Variants in FOXP2 observed in about 807,000 individuals in gnomAD.
The protein encoded by FOXP2 is forkhead box P2.
FOXP2 carries 12 observed loss-of-function variants against 115.8 expected under a neutral mutation model. That is an observed-to-expected ratio of 0.10 (90% confidence interval 0.07 to 0.17). The LOEUF is 0.17. Ranked by LOEUF, FOXP2 falls within the 10% of genes least tolerant of loss-of-function variation. The pLI is 1.00. For missense variants in FOXP2, 629 were observed against 843.5 expected, an observed-to-expected ratio of 0.75 and a Z score of 3.15; for synonymous variants, 328 against 297.7, an observed-to-expected ratio of 1.10 and a Z score of -1.05.
chr7:114,195,490 G>A (rs1793879989), intron 1 of FOXP2, among the ~76,000 whole-genome samples: 1 of 152,022 alleles, frequency 6.6e-6, no homozygotes. Context: ...AATTACATAA[G>A]TAATGTATTA....
At chr7:114,194,683 T>A (rs1427335805) in intron 1 of FOXP2, among the ~76,000 whole-genome samples, 1 of 152,128 alleles carries the variant, frequency 6.6e-6, no homozygotes, top group Non-Finnish European at 1.5e-5. Context: ...AAAGCCTGAA[T>A]AATTGATTTG....
intron 1 of FOXP2, among the ~76,000 whole-genome samples, chr7:114,188,853 G>A (rs912357731): frequency 3.3e-5 from 5 of 152,008 alleles, no homozygotes. Flanking sequence ...TGAATTGGGG[G>A]GAACATGAAT....
At chr7:114,094,826 A>C (rs1193962938) in intron 1 of FOXP2, among the ~76,000 whole-genome samples, 2 of 151,888 alleles carry the variant, frequency 1.3e-5, no homozygotes, top group East Asian at 3.9e-4. Context: ...AGCCTCACTA[A>C]ATTTTTAAAA....
intron 1 of FOXP2, among the ~76,000 whole-genome samples, chr7:114,119,424 A>G (rs570663125): frequency 2.6e-5 from 4 of 152,208 alleles, no homozygotes; most frequent in Admixed American, 2.6e-4. Context: ...TATTTCCAGG[A>G]TTGTAGTCTT....
intron 2 of FOXP2, among the ~76,000 whole-genome samples, chr7:114,306,345 G>T (rs1797013922): frequency 6.6e-6 from 1 of 152,042 alleles, no homozygotes; most frequent in African/African-American, 2.4e-5. Context: ...TGGATCCTGT[G>T]CACACACAGG....
intron 1 of FOXP2, among the ~76,000 whole-genome samples, chr7:114,210,654 G>A (rs894741074): frequency 6.6e-6 from 1 of 152,182 alleles, no homozygotes; most frequent in Non-Finnish European, 1.5e-5. Context: ...TAAAGAAGCA[G>A]TCTGGCTGCT....
At chr7:114,661,486 A>C (rs1025152587) in intron 13 of FOXP2, among the ~76,000 whole-genome samples, 1 of 152,084 alleles carries the variant, frequency 6.6e-6, no homozygotes, top group Non-Finnish European at 1.5e-5. Context: ...AATTTAAAAA[A>C]AATCTAAGTG....
At chr7:114,287,672 G>A (rs1457568566) in intron 1 of FOXP2, among the ~76,000 whole-genome samples, 1 of 151,870 alleles carries the variant, frequency 6.6e-6, no homozygotes, top group Non-Finnish European at 1.5e-5. Flanking sequence ...AATTGGAGAC[G>A]CAAATAATTT....
intron 2 of FOXP2, among the ~76,000 whole-genome samples, chr7:114,523,436 G>C (rs1164810412): frequency 1.3e-5 from 2 of 152,152 alleles, no homozygotes; most frequent in Non-Finnish European, 2.9e-5. Flanking sequence ...TCCAGCCTCG[G>C]TGACATATGC....
chr7:114,218,928 C>T (rs1336744213), intron 1 of FOXP2, among the ~76,000 whole-genome samples: 1 of 152,108 alleles, frequency 6.6e-6, no homozygotes, highest in Non-Finnish European at 1.5e-5. Flanking sequence ...GTCCTGAACT[C>T]CTTTACAAGT....
intron 1 of FOXP2, among the ~76,000 whole-genome samples, chr7:114,176,937 A>C (rs190352745): frequency 6.6e-6 from 1 of 152,240 alleles, no homozygotes; most frequent in Admixed American, 6.5e-5. Context: ...AACTTTATAC[A>C]AATGGTATCA....
chr7:114,094,865 G>A (rs1329328658), intron 1 of FOXP2, among the ~76,000 whole-genome samples: 4 of 151,876 alleles, frequency 2.6e-5, no homozygotes, highest in Non-Finnish European at 5.9e-5. Flanking sequence ...TCGCTATGTT[G>A]TCCAGGTTGG....
At chr7:114,285,687 A>T (rs998007018) in intron 1 of FOXP2, among the ~76,000 whole-genome samples, 2 of 152,052 alleles carry the variant, frequency 1.3e-5, no homozygotes, top group Non-Finnish European at 2.9e-5. Flanking sequence ...TTCTGATGAC[A>T]TAAAGTGGTA....
intron 3 of FOXP2, among the ~76,000 whole-genome samples, chr7:114,621,290 TA>T (rs2129323459): frequency 6.6e-6 from 1 of 152,162 alleles, no homozygotes; most frequent in Admixed American, 6.6e-5. Flanking sequence ...AACTTAAGAA[TA>T]TTTTTCTAAT....
At chr7:114,687,667 T>G (rs1272084523) in intron 16 of FOXP2, among the ~76,000 whole-genome samples, 2 of 152,200 alleles carry the variant, frequency 1.3e-5, no homozygotes, top group African/African-American at 4.8e-5. Flanking sequence ...TTGTCTCTCT[T>G]TAATATTTTT....
chr7:114,610,234 G>C (rs1436125127), intron 3 of FOXP2, among the ~76,000 whole-genome samples: 1 of 152,140 alleles, frequency 6.6e-6, no homozygotes, highest in Non-Finnish European at 1.5e-5. Flanking sequence ...AGATTATTTA[G>C]CTACACCATT....
rs987102286 is a variant in FOXP2 at position 114,692,449 on chromosome 7, T to C, written c.*2523T>C. 2.2e-6 allele frequency: 1 copy of C among 450,686 alleles called. No homozygotes were observed. Among genetic ancestry groups the C allele is most frequent in the African/African-American group, 2.0e-5 (1 of 49,682 alleles). The allele number at this position is 450,686 out of a possible 1,614,324, so 27.9% of individuals were successfully genotyped here. A position where few individuals can be genotyped will look rare whatever the true frequency, so the allele number is the denominator to read the frequency against. ...GTTTTTTGGAGTTTCCTGAAATGCT[T>C]GGTCTGTATTTTGATAATTGTGCAT... On this transcript the variant is annotated 3_prime_UTR_variant, in exon 17 of 17. Transcript: ENST00000350908.
At chr7:114,686,531 C>T (rs1808373336) in intron 16 of FOXP2, among the ~76,000 whole-genome samples, 1 of 152,132 alleles carries the variant, frequency 6.6e-6, no homozygotes, top group South Asian at 2.1e-4. Flanking sequence ...ACGGAAATAT[C>T]AAAGTAAATG....
chr7:114,681,279 T>C (rs1808070850), intron 16 of FOXP2, among the ~76,000 whole-genome samples: 11 of 152,220 alleles, frequency 7.2e-5, no homozygotes. Context: ...TACATCATTA[T>C]AGATACAGGG....
Sources: gnomAD v4.1 joint callset for allele counts (sites outside exome capture counted in the v4.1 genomes callset) on GRCh38, gnomAD v4.1.1 for gene constraint, MANE v1.5 for transcripts, NCBI Gene and HGNC (gene_info 2026-07-23, HGNC 2026-07-21) for gene names.